Variants in NEK9 observed in about 807,000 individuals in gnomAD.
NEK9 encodes NIMA related kinase 9.
In NEK9, 75 loss-of-function variants were observed where a neutral mutation model predicts 123.4. The ratio of observed to expected loss-of-function variants is 0.61; its 90% CI spans 0.50 to 0.74. The LOEUF (loss-of-function observed/expected upper bound fraction) is 0.74, where lower values mean the gene tolerates loss of function less well. Among genes scored for constraint, NEK9 ranks in the 30% least tolerant of loss-of-function variants. The pLI, the probability that NEK9 is intolerant of heterozygous loss-of-function variation, is 0.00. For missense variants in NEK9, 952 were observed against 1,214.4 expected, an observed-to-expected ratio of 0.78 and a Z score of 3.21; for synonymous variants, 438 against 458.7, an observed-to-expected ratio of 0.95 and a Z score of 0.58.
chr14:75,105,849 A>G (rs1894753004), intron 13 of NEK9, 101 bp downstream of exon 13: 1 of 936,410 alleles, frequency 1.1e-6, no homozygotes, highest in African/African-American at 1.7e-5. Context: ...AACACTTCGG[A>G]AATAAATACC....
rs116811317 is a variant in NEK9 at position 75,120,749 on chromosome 14, A to G, written c.454-169T>C. The G allele has an allele frequency of 1.8e-3, 1,069 of 591,584 alleles. 5 individuals are homozygous for G. Among genetic ancestry groups the G allele is most frequent in the African/African-American group, 0.017 (910 of 53,798 alleles). 36.6% of individuals were successfully genotyped at this position (591,584 alleles called of 1,614,324 possible). A position where few individuals can be genotyped will look rare whatever the true frequency, so the allele number is the denominator to read the frequency against. On this transcript the variant is annotated intron_variant, in intron 3 of 21. Transcript: ENST00000238616. ...AGTAGGCAAAGAAAAGTGAAGGGGT[A>G]AAAAACCACAAAAAACAGGTTCCTC... is the stretch of plus-strand genomic sequence containing the variant.
Position 75,104,000 on chromosome 14 carries a change from G to T in NEK9, c.1576-3C>A, listed in dbSNP as rs774574669. 3 of 1,596,202 alleles carry T rather than the reference G, an allele frequency of 1.9e-6. No individual in the cohort carries two copies. The highest frequency in any genetic ancestry group is 2.3e-5 in the South Asian group (2 of 87,492). ...ATCAAGGCCTTGGGAACATCCACCT[G>T]CAAGAAAAAAATCAGAAAAAGAAAT... On this transcript the variant is annotated splice_polypyrimidine_tract_variant and splice_region_variant and intron_variant, in intron 13 of 21. Transcript: ENST00000238616.
intron 14 of NEK9, 27 bp downstream of exon 14, chr14:75,103,815 G>C (rs776546651): frequency 1.8e-5 from 29 of 1,590,208 alleles, no homozygotes; most frequent in Non-Finnish European, 1.9e-5. Context: ...CTGATGATGT[G>C]GTTAGAACAC....
At chr14:75,113,100 A>G (rs1346378131) in intron 8 of NEK9, among the ~76,000 whole-genome samples, 2 of 152,214 alleles carry the variant, frequency 1.3e-5, no homozygotes, top group African/African-American at 4.8e-5. Flanking sequence ...TTTAAAACCA[A>G]TGGGTTGGGG....
rs993724916 is a variant in NEK9 at position 75,127,021 on chromosome 14, G to A, written c.-100C>T. 2.1e-5 allele frequency: 21 copies of A among 994,188 alleles called. No homozygotes were observed. The highest frequency in any genetic ancestry group is 2.8e-5 in the Non-Finnish European group (20 of 711,278). The allele number at this position is 994,188 out of a possible 1,614,324, so 61.6% of individuals were successfully genotyped here. On this transcript the variant is annotated 5_prime_UTR_variant, in exon 1 of 22. Transcript: ENST00000238616. ...CAGATGCCGGCCCGCGGATCCGTCA[G>A]CCCAGCAACCCCGCGAAGCTCGATG...
chr14:75,095,460 C>T (rs749480671), intron 17 of NEK9, 29 bp from the exon 18 acceptor site: 2 of 1,521,262 alleles, frequency 1.3e-6, no homozygotes, highest in Non-Finnish European at 1.8e-6. Flanking sequence ...TAGGTAAGCA[C>T]TGTATACTGA....
chr14:75,088,901 A>AGGTCAGGCCGTTGGAT (rs1566639537), intron 19 of NEK9, among the ~76,000 whole-genome samples: 1 of 152,144 alleles, frequency 6.6e-6, no homozygotes, highest in Non-Finnish European at 1.5e-5. Flanking sequence ...TATTCTACAC[A>AGGTCAGGCCGTTGGAT]GGCTATTCAG....
At chr14:75,125,243 A>G (rs1342991658) in intron 1 of NEK9, among the ~76,000 whole-genome samples, 8 of 152,134 alleles carry the variant, frequency 5.3e-5, no homozygotes, top group Non-Finnish European at 1.0e-4. Flanking sequence ...CTGAAATGAT[A>G]TTTGTTCATT....
intron 18 of NEK9, among the ~76,000 whole-genome samples, chr14:75,094,043 C>T (rs1225406669): frequency 6.6e-6 from 1 of 152,202 alleles, no homozygotes; most frequent in Non-Finnish European, 1.5e-5. Context: ...CCTTTAAATA[C>T]TGTTCTAGTA....
chr14:75,103,836 A>C lies in NEK9; in HGVS notation c.1731+6T>G. 3 of 1,604,910 alleles carry C rather than the reference A, an allele frequency of 1.9e-6. No individual in the cohort carries two copies. Among genetic ancestry groups the C allele is most frequent in the Non-Finnish European group, 2.6e-6 (3 of 1,176,248 alleles). On this transcript the variant is annotated splice_donor_region_variant and intron_variant, in intron 14 of 21. Coordinates refer to ENST00000238616, the MANE Select transcript of NEK9 (RefSeq NM_033116.6). ...ATGTGGTTAGAACACCAATCAGGAC[A>C]CTCACTTCATGGTTGATAATTCCCG...
intron 16 of NEK9, among the ~76,000 whole-genome samples, 166 bp from the exon 17 acceptor site, chr14:75,097,436 T>C (rs1469627262): frequency 1.3e-5 from 2 of 152,250 alleles, no homozygotes; most frequent in African/African-American, 4.8e-5. Context: ...CTGATTCCAC[T>C]TGGGTAAAAA....
intron 16 of NEK9, 21 bp from the exon 17 acceptor site, chr14:75,097,291 T>C (rs1423223895): frequency 3.8e-6 from 6 of 1,570,824 alleles, no homozygotes; most frequent in East Asian, 2.3e-5. Context: ...AGTTAAACAG[T>C]AGACCATTTA....
Position 75,117,207 on chromosome 14 carries a change from C to G in NEK9, c.750G>C (p.Thr250=). 6.2e-7 allele frequency: 1 copy of G among 1,612,452 alleles called. No individual in the cohort carries two copies. Among genetic ancestry groups the G allele is most frequent in the Non-Finnish European group, 8.5e-7 (1 of 1,179,586 alleles). ...VIFELLTLKR[T]FDATNPLNLC... is the part of the protein sequence containing the mutation. ...TATGCCAACTTACTGTAGCATCAAA[C>G]GTCCTCTTTAAGGTAAGCAGTTCAA... The change falls in exon 6 of 22, where the codon ACG becomes ACC. Residue 250 remains threonine (T), a synonymous_variant. Coordinates refer to ENST00000238616, the MANE Select transcript of NEK9 (RefSeq NM_033116.6).
In NEK9 at chr14:75,082,852, C is replaced by T. The variant is rs1052641407; in HGVS notation, c.*1712G>A. ...CACTGTTACAGTTTATGACAACCCC[C>T]GCAAGTCCCCAGAACTTGCAACTTT... On this transcript the variant is annotated 3_prime_UTR_variant, in exon 22 of 22. Transcript: ENST00000238616. 2.8e-5 allele frequency: 11 copies of T among 397,522 alleles called. No homozygotes were observed. The highest frequency in any genetic ancestry group is 2.2e-4 in the Admixed American group (5 of 22,696). 24.6% of individuals were successfully genotyped at this position (397,522 alleles called of 1,614,324 possible). A position where few individuals can be genotyped will look rare whatever the true frequency, so the allele number is the denominator to read the frequency against.
In NEK9 at chr14:75,083,108, T is replaced by C. The variant is rs1893915841; in HGVS notation, c.*1456A>G. 2 of 398,488 alleles carry C rather than the reference T, an allele frequency of 5.0e-6. No homozygotes were observed. The highest frequency in any genetic ancestry group is 4.4e-6 in the Non-Finnish European group (1 of 226,068). 24.7% of individuals were successfully genotyped at this position (398,488 alleles called of 1,614,324 possible). A position where few individuals can be genotyped will look rare whatever the true frequency, so the allele number is the denominator to read the frequency against. The stretch of plus-strand genomic sequence containing the variant: ...TTCCATTGCACAAGACCTCCCACAA[T>C]GTTGATAAGATTATCAAACATTTTG... On this transcript the variant is annotated 3_prime_UTR_variant, in exon 22 of 22. Transcript: ENST00000238616.
chr14:75,110,176 G>A lies in NEK9; in HGVS notation c.989+145C>T, dbSNP rs991930164. The A allele has an allele frequency of 2.0e-5, 13 of 663,604 alleles. No homozygotes were observed. The Admixed American group carries it at 2.7e-4, about 14-fold the overall frequency. The allele number at this position is 663,604 out of a possible 1,614,324, so 41.1% of individuals were successfully genotyped here. On this transcript the variant is annotated intron_variant, in intron 9 of 21. Transcript: ENST00000238616. ...GGGTGAAATTATAGCTTTCTTCTTA[G>A]AAATGACTGTCTGACATTTAAGCAG...
Position 75,083,464 on chromosome 14 carries a change from G to C in NEK9, c.*1100C>G, listed in dbSNP as rs1893925010. ...TCTGTTAGGCTTCAGGGACTCCCAGGGTTTGGTGCTGGCTTTGGGCCACTC... is the reference window on the plus strand; with the variant it reads ...TCTGTTAGGCTTCAGGGACTCCCAGCGTTTGGTGCTGGCTTTGGGCCACTC... On this transcript the variant is annotated 3_prime_UTR_variant, in exon 22 of 22. Coordinates refer to ENST00000238616, the MANE Select transcript of NEK9 (RefSeq NM_033116.6). 1 of 180,124 alleles carries C rather than the reference G, an allele frequency of 5.6e-6. No homozygotes were observed. 11.2% of individuals were successfully genotyped at this position (180,124 alleles called of 1,614,324 possible). A position where few individuals can be genotyped will look rare whatever the true frequency, so the allele number is the denominator to read the frequency against.
chr14:75,091,668 T>C (rs953793080), intron 18 of NEK9, 190 bp from the exon 19 acceptor site: 57 of 464,144 alleles, frequency 1.2e-4, no homozygotes, highest in Non-Finnish European at 6.0e-5. Context: ...TTTGTATAGT[T>C]GTATTTGTAT....
At chr14:75,088,752 T>A (rs879583321) in intron 19 of NEK9, 111 bp from the exon 20 acceptor site, 23 of 925,244 alleles carry the variant, frequency 2.5e-5, no homozygotes, top group Non-Finnish European at 3.6e-5. Flanking sequence ...CACCCTCTAG[T>A]GGGCAAGACA....
Sources: allele counts gnomAD v4.1 joint callset (sites outside exome capture counted in the v4.1 genomes callset), GRCh38; gene constraint gnomAD v4.1.1; transcripts MANE v1.5; gene names NCBI Gene and HGNC (gene_info 2026-07-23, HGNC 2026-07-21).